DNAH10: variants seen among roughly 807,000 people sequenced by gnomAD.
The protein encoded by DNAH10 is axonemal beta dynein heavy chain 10.
In DNAH10, 348 loss-of-function variants were observed where a neutral mutation model predicts 506.6. That is an observed-to-expected ratio of 0.69 (90% CI 0.63 to 0.75). The LOEUF is 0.75. DNAH10 is among the 30% of genes least tolerant of loss of function. The pLI is 0.00. For synonymous variants in DNAH10, 2,059 were observed against 2,198.6 expected (o/e 0.94, Z 1.78); for missense variants, 5,179 against 5,787.1 (o/e 0.89, Z 3.41).
At chr12:123,803,891 T>C in intron 17 of DNAH10, 66 bp downstream of exon 17, 2 of 1,443,588 alleles carry the variant, frequency 1.4e-6, no homozygotes, top group Non-Finnish European at 1.9e-6. Flanking sequence ...TATACATACA[T>C]GTGTATATAT....
intron 77 of DNAH10, among the ~76,000 whole-genome samples, chr12:123,933,713 C>T (rs1955328237): frequency 6.6e-6 from 1 of 152,220 alleles, no homozygotes; most frequent in African/African-American, 2.4e-5. Flanking sequence ...GTTTCTCTTC[C>T]ACTTTCTCCG....
rs1954655998 is a variant in DNAH10 at position 123,919,987 on chromosome 12, C to A, written c.11506+1038C>A. Among the ~76,000 whole-genome samples the A allele has an allele frequency of 6.6e-6, 1 of 152,216 alleles. No individual in the cohort carries two copies. The highest frequency in any genetic ancestry group is 1.5e-5 in the Non-Finnish European group (1 of 68,040). Reference sequence around the variant, plus strand: ...CTTGGGGGTATATCTAGAAAGGGAACTGCTGGGTCATAGGGTAATTCTATG... The same window carrying A: ...CTTGGGGGTATATCTAGAAAGGGAAATGCTGGGTCATAGGGTAATTCTATG... On this transcript the variant is annotated intron_variant, in intron 65 of 78. Coordinates refer to ENST00000673944, the MANE Select transcript of DNAH10 (RefSeq NM_001372106.1). The surrounding 1 kb of genome is among the most constrained non-coding windows in gnomAD (Gnocchi z 4.9).
chr12:123,894,608 T>C, intron 53 of DNAH10, 35 bp from the exon 54 acceptor site: 1 of 1,597,012 alleles, frequency 6.3e-7, no homozygotes, highest in Non-Finnish European at 8.6e-7. Flanking sequence ...TTGCCCAGGC[T>C]GGGAGCATCT....
At chr12:123,900,800 T>C (rs1953485212) in intron 56 of DNAH10, among the ~76,000 whole-genome samples, 1 of 152,184 alleles carries the variant, frequency 6.6e-6, no homozygotes, top group African/African-American at 2.4e-5. Context: ...TTGGGCTTCA[T>C]CTCAGGCAGC....
At position 123,800,166 on chromosome 12, in the gene DNAH10, A is replaced by G. The variant is rs1194339602; in HGVS notation, c.2290-50A>G. ...TTTTGGTGTGGGTTGTGTTGATCCA[A>G]CTGTCTCTTGGACTGCCCTGGCCGC... is the stretch of plus-strand genomic sequence containing the variant. On this transcript the variant is annotated intron_variant, in intron 14 of 78. Coordinates refer to ENST00000673944, the MANE Select transcript of DNAH10 (RefSeq NM_001372106.1). The G allele has an allele frequency of 4.4e-6, 7 of 1,579,370 alleles. No individual in the cohort carries two copies. The East Asian group carries it at 6.8e-5, about 15-fold the overall frequency.
In DNAH10 at chr12:123,762,597, G is replaced by C. The variant is rs1162932464; in HGVS notation, c.214+47G>C. 2.7e-6 allele frequency: 4 copies of C among 1,508,792 alleles called. No homozygotes were observed. The highest frequency in any genetic ancestry group is 2.1e-5 in the Admixed American group (1 of 47,512). 93.5% of individuals were successfully genotyped at this position (1,508,792 alleles called of 1,614,324 possible). A position where few individuals can be genotyped will look rare whatever the true frequency, so the allele number is the denominator to read the frequency against. ...CCTTCCCCGGGCTTCCCTCCTGCCC[G>C]TCCCGGCCTCTCCGGCGGGCGCCGG... is the stretch of plus-strand genomic sequence containing the variant. On this transcript the variant is annotated intron_variant, in intron 1 of 78. Transcript: ENST00000673944. The surrounding 1 kb of genome is among the most constrained non-coding windows in gnomAD (Gnocchi z 5.0).
Position 123,833,184 on chromosome 12 carries a change from A to G in DNAH10, c.4616A>G (p.Gln1539Arg), listed in dbSNP as rs1321079751. 10 of 1,613,496 alleles carry G rather than the reference A, an allele frequency of 6.2e-6. No homozygotes were observed. In the South Asian group the frequency reaches 9.9e-5, roughly 16 times the overall value. ...FTVVKYCKGT[Q>R]ERGYILGSVD... is the part of the protein sequence containing the mutation. ...GTAGTCAAGTATTGCAAAGGCACAC[A>G]GGAGCGAGGCTACATCCTGGGTTCT... Residue 1539 changes from glutamine to arginine, a missense_variant, in exon 27 of 79, where the codon CAG becomes CGG. Gln to Arg is a conservative substitution (Grantham distance 43). Transcript: ENST00000673944.
intron 61 of DNAH10, 71 bp from the exon 62 acceptor site, chr12:123,914,781 T>C: frequency 6.4e-7 from 1 of 1,553,380 alleles, no homozygotes; most frequent in Admixed American, 1.9e-5. Flanking sequence ...GGAAGGCCAG[T>C]CCTACCACCC....
intron 5 of DNAH10, among the ~76,000 whole-genome samples, chr12:123,780,840 T>C (rs888155581): frequency 2.0e-5 from 3 of 146,944 alleles, no homozygotes; most frequent in Non-Finnish European, 3.0e-5. Flanking sequence ...TCCCAGCCAC[T>C]TGGGAGGCTG....
chr12:123,901,078 C>T (rs1953497788), intron 56 of DNAH10, among the ~76,000 whole-genome samples: 1 of 152,214 alleles, frequency 6.6e-6, no homozygotes, highest in Non-Finnish European at 1.5e-5. Flanking sequence ...TCAGCACCTG[C>T]CCCAGCCTCC....
At position 123,928,734 on chromosome 12, in the gene DNAH10, C is replaced by T. The variant is rs1955057335; in HGVS notation, c.12306+147C>T. On this transcript the variant is annotated intron_variant, in intron 70 of 78. Coordinates refer to ENST00000673944, the MANE Select transcript of DNAH10 (RefSeq NM_001372106.1). This position sits in a 1 kb window ranked among gnomAD's most constrained non-coding sequence, Gnocchi z 4.9. ...CCTTGCGGTTGAAACCCTTCTCAATCCCACCTCTCTCTTTAGAGGGAGCCG... is the reference window on the plus strand; with the variant it reads ...CCTTGCGGTTGAAACCCTTCTCAATTCCACCTCTCTCTTTAGAGGGAGCCG... 5.5e-6 allele frequency: 5 copies of T among 901,814 alleles called. No individual in the cohort carries two copies. The highest frequency in any genetic ancestry group is 1.8e-5 in the South Asian group (1 of 56,736). The allele number at this position is 901,814 out of a possible 1,614,324, so 55.9% of individuals were successfully genotyped here.
Position 123,853,080 on chromosome 12 carries a change from T to C in DNAH10, c.6292-126T>C. The C allele has an allele frequency of 9.5e-7, 1 of 1,049,402 alleles. No individual in the cohort carries two copies. The highest frequency in any genetic ancestry group is 1.3e-6 in the Non-Finnish European group (1 of 772,298). 65.0% of individuals were successfully genotyped at this position (1,049,402 alleles called of 1,614,324 possible). A position where few individuals can be genotyped will look rare whatever the true frequency, so the allele number is the denominator to read the frequency against. The stretch of plus-strand genomic sequence containing the variant: ...TCTGGAAGTTAGAGATGGAATTTGC[T>C]TATTTGTAGAGCAGCTGCACTGGAA... On this transcript the variant is annotated intron_variant, in intron 35 of 78. Transcript: ENST00000673944. The surrounding 1 kb of genome is among the most constrained non-coding windows in gnomAD (Gnocchi z 4.7).
chr12:123,804,417 C>G (rs546730170), intron 17 of DNAH10, among the ~76,000 whole-genome samples: 3 of 151,476 alleles, frequency 2.0e-5, no homozygotes, highest in South Asian at 4.2e-4. Flanking sequence ...CCCAGCTACT[C>G]GGGAGGCTGA....
intron 21 of DNAH10, among the ~76,000 whole-genome samples, chr12:123,817,614 T>A (rs570760412): frequency 1.6e-4 from 24 of 152,322 alleles, no homozygotes; most frequent in African/African-American, 5.3e-4. Context: ...TTAAATAAAA[T>A]TATTTTAAAT....
intron 8 of DNAH10, among the ~76,000 whole-genome samples, chr12:123,784,737 C>G (rs76008720): frequency 2.0e-5 from 3 of 152,132 alleles, no homozygotes; most frequent in Non-Finnish European, 4.4e-5. Flanking sequence ...CTAACTCCCC[C>G]TTCTTCCTTA....
At chr12:123,935,130 AC>A in intron 78 of DNAH10, 1 of 631,614 alleles carries the variant, frequency 1.6e-6, no homozygotes. Context: ...CTGGGCCAGG[AC>A]CCACTTTTAA....
chr12:123,896,395 C>G (rs1216830919), intron 54 of DNAH10, among the ~76,000 whole-genome samples: 1 of 152,170 alleles, frequency 6.6e-6, no homozygotes, highest in Non-Finnish European at 1.5e-5. Flanking sequence ...GAGACATTCT[C>G]TGCTTTGAGC....
Position 123,762,734 on chromosome 12 carries a change from C to T in DNAH10, c.214+184C>T, listed in dbSNP as rs1389431200. 2.0e-5 allele frequency among the ~76,000 whole-genome samples: 3 copies of T among 152,250 alleles called. No individual in the cohort carries two copies. Among genetic ancestry groups the T allele is most frequent in the Non-Finnish European group, 4.4e-5 (3 of 68,046 alleles). On this transcript the variant is annotated intron_variant, in intron 1 of 78. Coordinates refer to ENST00000673944, the MANE Select transcript of DNAH10 (RefSeq NM_001372106.1). The surrounding 1 kb of genome is among the most constrained non-coding windows in gnomAD (Gnocchi z 5.0). ...ACCCAGCAATCACAGCCGTCCCTGC[C>T]CTCCTGGGCCCACAGCCCACTTGAA...
In DNAH10 at chr12:123,915,011, C is replaced by T. The variant is rs779353474; in HGVS notation, c.10722+12C>T. On this transcript the variant is annotated intron_variant, in intron 62 of 78. Transcript: ENST00000673944. ...AGAACAATCTGCGGGTATGGTGGCT[C>T]CTCCCAGGGCGTCTTCTGCCCCCTA... 1.9e-6 allele frequency: 3 copies of T among 1,595,762 alleles called. No individual in the cohort carries two copies. Among genetic ancestry groups the T allele is most frequent in the Non-Finnish European group, 2.6e-6 (3 of 1,171,472 alleles).
Sources: gnomAD v4.1 joint callset for allele counts (sites outside exome capture counted in the v4.1 genomes callset) on GRCh38, gnomAD v4.1.1 for gene constraint, Gnocchi (gnomAD v3.1) non-coding constraint, MANE v1.5 for transcripts, NCBI Gene and HGNC (gene_info 2026-07-23, HGNC 2026-07-21) for gene names.